Variants in SLC28A3 observed in about 807,000 individuals in gnomAD.
SLC28A3 encodes the protein solute carrier family 28 member 3.
In SLC28A3, 68 loss-of-function variants were observed where a neutral mutation model predicts 84.2. That is an observed-to-expected ratio of 0.81 (90% CI 0.66 to 0.99). The LOEUF is 0.99. Among genes scored for constraint, SLC28A3 ranks in the 50% least tolerant of loss-of-function variants. The probability of loss-of-function intolerance (pLI) is 0.00; values close to 1 mark genes in which losing one functional copy is unlikely to be tolerated. For missense variants in SLC28A3, 712 were observed against 841.5 expected, an observed-to-expected ratio of 0.85 and a Z score of 1.90; for synonymous variants, 267 against 303.6, an observed-to-expected ratio of 0.88 and a Z score of 1.25.
Position 84,276,217 on chromosome 9 carries a change from T to C in SLC28A3, c.*2001A>G, listed in dbSNP as rs767957215. 6 of 152,154 alleles carry C rather than the reference T, an allele frequency of 3.9e-5. No homozygotes were observed. Among genetic ancestry groups the C allele is most frequent in the African/African-American group, 7.2e-5 (3 of 41,438 alleles). The allele number at this position is 152,154 out of a possible 1,614,324, so 9.4% of individuals were successfully genotyped here. A position where few individuals can be genotyped will look rare whatever the true frequency, so the allele number is the denominator to read the frequency against. ...GGATTAAGTATTATCAGTAAAACTT[T>C]AGTGTCTCAACTGAGATATGCAAAC... On this transcript the variant is annotated 3_prime_UTR_variant, in exon 18 of 18. Transcript: ENST00000376238.
At chr9:84,352,722 T>A in the SLC28A3 span, among the ~76,000 whole-genome samples, 1 of 151,440 alleles carries the variant, frequency 6.6e-6, no homozygotes, top group Non-Finnish European at 1.5e-5. Context: ...CTGTCTCTAC[T>A]AAAAATCAAA....
At chr9:84,297,112 G>T (rs1180121808) in intron 8 of SLC28A3, 109 bp downstream of exon 8, 2 of 755,728 alleles carry the variant, frequency 2.6e-6, no homozygotes, top group Non-Finnish European at 4.4e-6. Flanking sequence ...TCTGACCAGC[G>T]CAGTAGGTAT....
chr9:84,361,660 G>C, the SLC28A3 span, among the ~76,000 whole-genome samples: 1 of 151,904 alleles, frequency 6.6e-6, no homozygotes, highest in African/African-American at 2.4e-5. Flanking sequence ...CTATCTTAGA[G>C]GATCTGCCTA....
intron 1 of SLC28A3, among the ~76,000 whole-genome samples, chr9:84,326,862 A>C (rs1176560468): frequency 6.6e-6 from 1 of 152,026 alleles, no homozygotes; most frequent in African/African-American, 2.4e-5. Context: ...CAAAAAATTT[A>C]GCCAGACATG....
At chr9:84,362,666 T>C in the SLC28A3 span, among the ~76,000 whole-genome samples, 1 of 85,532 alleles carries the variant, frequency 1.2e-5, no homozygotes, top group African/African-American at 2.8e-5. Context: ...AGTTAATAAA[T>C]AAATAAATAA....
chr9:84,322,275 G>C (rs1826405983), intron 1 of SLC28A3, among the ~76,000 whole-genome samples: 1 of 152,190 alleles, frequency 6.6e-6, no homozygotes, highest in African/African-American at 2.4e-5. Context: ...GATAAAGGTA[G>C]TGTAAAGAGA....
At chr9:84,368,651 T>C in the SLC28A3 span, among the ~76,000 whole-genome samples, 2 of 151,848 alleles carry the variant, frequency 1.3e-5, no homozygotes, top group African/African-American at 2.4e-5. Flanking sequence ...TGTGGCTGAG[T>C]TGGCATCCAA....
the SLC28A3 span, among the ~76,000 whole-genome samples, chr9:84,346,713 A>G: frequency 1.0e-3 from 158 of 152,350 alleles, 6 homozygotes; most frequent in South Asian, 0.031. Flanking sequence ...TTGTTTTTCA[A>G]CAAAATTCTC....
intron 15 of SLC28A3, 30 bp from the exon 16 acceptor site, chr9:84,280,103 T>G (rs755861783): frequency 7.5e-6 from 12 of 1,604,540 alleles, no homozygotes; most frequent in East Asian, 6.7e-5. Context: ...GGATGTGAGA[T>G]CAATGTTGAA....
At chr9:84,293,201 AG>A (rs775921456) in intron 9 of SLC28A3, among the ~76,000 whole-genome samples, 2 of 152,222 alleles carry the variant, frequency 1.3e-5, no homozygotes, top group Non-Finnish European at 2.9e-5. Flanking sequence ...GTTTTGTCAA[AG>A]GTCACCCATA....
chr9:84,322,760 G>A (rs1826419479), intron 1 of SLC28A3, among the ~76,000 whole-genome samples: 1 of 152,058 alleles, frequency 6.6e-6, no homozygotes, highest in East Asian at 1.9e-4. Flanking sequence ...AATCGCTTGA[G>A]CCCAGGAGGT....
intron 1 of SLC28A3, among the ~76,000 whole-genome samples, chr9:84,321,340 G>T (rs112891613): frequency 1.3e-5 from 2 of 152,012 alleles, no homozygotes; most frequent in African/African-American, 4.8e-5. Flanking sequence ...ATTATAGATT[G>T]TTTTTTGTTT....
At chr9:84,342,464 G>A (rs997144844), upstream of SLC28A3, among the ~76,000 whole-genome samples, 4 of 151,928 alleles carry the variant, frequency 2.6e-5, no homozygotes, top group Non-Finnish European at 5.9e-5. Context: ...TGTTGCCCAG[G>A]CTGGAGTGCA....
At chr9:84,309,968 A>G (rs1269884441) in intron 2 of SLC28A3, among the ~76,000 whole-genome samples, 4 of 151,996 alleles carry the variant, frequency 2.6e-5, no homozygotes, top group African/African-American at 9.7e-5. Flanking sequence ...TCCTTTTCTT[A>G]AGGGAACAGG....
chr9:84,335,809 G>C (rs1485264549), intron 1 of SLC28A3, among the ~76,000 whole-genome samples: 3 of 151,360 alleles, frequency 2.0e-5, no homozygotes, highest in Admixed American at 6.6e-5. Flanking sequence ...CCCAAGATAG[G>C]TACCATTATT....
intron 4 of SLC28A3, among the ~76,000 whole-genome samples, chr9:84,304,393 G>A (rs1462883122): frequency 1.3e-5 from 2 of 151,794 alleles, no homozygotes; most frequent in Non-Finnish European, 2.9e-5. Flanking sequence ...TTATAGACAG[G>A]AGTGTTCTTT....
In SLC28A3 at chr9:84,305,345, C is replaced by A. The variant is rs772362268; in HGVS notation, c.243G>T (p.Gly81=). ...CTGTGTCATACCTCCTTTCCAAACA[C>A]CTGCAACATAAAAGCAAAAAGGCAG... ...EDDDEEMQQK[G]CLERRYDTVC... The change falls in exon 4 of 18, where the codon GGG becomes GGT. Residue 81 remains glycine (G), a splice_region_variant and synonymous_variant. Coordinates refer to ENST00000376238, the MANE Select transcript of SLC28A3 (RefSeq NM_001199633.2). 5.1e-5 allele frequency: 83 copies of A among 1,612,158 alleles called. No homozygotes were observed. The highest frequency in any genetic ancestry group is 2.7e-4 in the Admixed American group (16 of 59,674).
intron 1 of SLC28A3, among the ~76,000 whole-genome samples, chr9:84,327,367 A>G (rs1427902556): frequency 6.6e-6 from 1 of 151,896 alleles, no homozygotes; most frequent in East Asian, 1.9e-4. Context: ...CACCGAAAAA[A>G]AAAAAAAAAA....
intron 1 of SLC28A3, among the ~76,000 whole-genome samples, chr9:84,328,186 CACACACAT>C (rs1826638965): frequency 6.6e-6 from 1 of 150,588 alleles, no homozygotes; most frequent in Admixed American, 6.6e-5. Context: ...CACACACACA[CACACACAT>C]ATTCACACAA....
Sources: gnomAD v4.1 joint callset for allele counts (sites outside exome capture counted in the v4.1 genomes callset) on GRCh38, gnomAD v4.1.1 for gene constraint, MANE v1.5 for transcripts, NCBI Gene and HGNC (gene_info 2026-07-23, HGNC 2026-07-21) for gene names.